TANGO6: variants seen among roughly 807,000 people sequenced by gnomAD.
TANGO6 encodes transport and Golgi organization protein 6 homolog.
In TANGO6, 90 loss-of-function variants were observed where a neutral mutation model predicts 114.2. That is an observed-to-expected ratio of 0.79 (90% confidence interval 0.66 to 0.94). The LOEUF is 0.94. TANGO6 is among the 40% of genes least tolerant of loss of function. The pLI is 0.00. For missense variants in TANGO6, 1,274 were observed against 1,315.3 expected, an observed-to-expected ratio of 0.97 and a Z score of 0.49; for synonymous variants, 477 against 509.8, an observed-to-expected ratio of 0.94 and a Z score of 0.87.
chr16:68,843,766 G>GCTTCCGGGGCTGCCCTGC (rs1961761218), intron 1 of TANGO6, 55 bp downstream of exon 1: 1 of 1,563,326 alleles, frequency 6.4e-7, no homozygotes. Flanking sequence ...GGGCCGCCCG[G>GCTTCCGGGGCTGCCCTGC]CTTCCGGGGC....
intron 15 of TANGO6, among the ~76,000 whole-genome samples, chr16:69,004,593 A>G (rs1294113721): frequency 6.6e-6 from 1 of 152,060 alleles, no homozygotes; most frequent in Non-Finnish European, 1.5e-5. Context: ...TGACCTTGTG[A>G]TCCGCCCGCC....
intron 12 of TANGO6, among the ~76,000 whole-genome samples, chr16:68,926,244 A>T (rs979883306): frequency 1.3e-5 from 2 of 152,138 alleles, no homozygotes; most frequent in Non-Finnish European, 2.9e-5. Flanking sequence ...CTGTAATTCC[A>T]GCACTTTGGA....
chr16:69,005,272 A>G (rs1964082187), intron 15 of TANGO6, among the ~76,000 whole-genome samples: 1 of 127,508 alleles, frequency 7.8e-6, no homozygotes, highest in Non-Finnish European at 1.7e-5. Context: ...ATGCAATTTG[A>G]CAGTAAGAGC....
chr16:69,080,871 G>A (rs1186479387), intron 17 of TANGO6, among the ~76,000 whole-genome samples: 1 of 152,180 alleles, frequency 6.6e-6, no homozygotes, highest in Non-Finnish European at 1.5e-5. Flanking sequence ...GGGCGCGGTG[G>A]CTCACGCCTA....
At chr16:69,067,370 C>T (rs1250280897) in intron 17 of TANGO6, among the ~76,000 whole-genome samples, 1 of 151,400 alleles carries the variant, frequency 6.6e-6, no homozygotes, top group South Asian at 2.1e-4. Context: ...ATTAGCCAGG[C>T]GTGTTGGCGG....
chr16:69,019,240 C>G (rs1454550133), intron 15 of TANGO6, among the ~76,000 whole-genome samples: 5 of 152,192 alleles, frequency 3.3e-5, no homozygotes, highest in Admixed American at 6.6e-5. Context: ...GTAACTACCT[C>G]TCTAGGATAG....
intron 14 of TANGO6, among the ~76,000 whole-genome samples, chr16:68,967,922 T>C (rs1963661704): frequency 6.6e-6 from 1 of 152,120 alleles, no homozygotes; most frequent in African/African-American, 2.4e-5. Flanking sequence ...TCAGAATCAC[T>C]GAGTAACACG....
intron 17 of TANGO6, among the ~76,000 whole-genome samples, chr16:69,081,849 A>G (rs1367012883): frequency 7.7e-6 from 1 of 130,268 alleles, no homozygotes; most frequent in African/African-American, 3.0e-5. Context: ...TTTTTTTTTG[A>G]GACAGAGTCT....
intron 11 of TANGO6, among the ~76,000 whole-genome samples, chr16:68,917,968 G>A (rs1021341135): frequency 6.7e-6 from 1 of 149,792 alleles, no homozygotes; most frequent in African/African-American, 2.5e-5. Flanking sequence ...TGCCCAGGCT[G>A]GAGTGTAGTG....
At chr16:68,950,155 G>A (rs1237848749) in intron 14 of TANGO6, among the ~76,000 whole-genome samples, 1 of 152,144 alleles carries the variant, frequency 6.6e-6, no homozygotes, top group Non-Finnish European at 1.5e-5. Flanking sequence ...GGAGTAAGGA[G>A]TGACTGATAA....
intron 12 of TANGO6, among the ~76,000 whole-genome samples, chr16:68,919,755 T>A (rs1963064203): frequency 6.6e-6 from 1 of 152,194 alleles, no homozygotes; most frequent in Non-Finnish European, 1.5e-5. Flanking sequence ...ACACTACATA[T>A]TGGCCGGGTG....
chr16:69,065,143 C>G (rs2152241396), intron 17 of TANGO6, among the ~76,000 whole-genome samples: 1 of 152,348 alleles, frequency 6.6e-6, no homozygotes. Context: ...TGCCGCCTTC[C>G]TCAGGTTGCT....
intron 7 of TANGO6, among the ~76,000 whole-genome samples, chr16:68,884,153 C>T (rs1383632353): frequency 2.6e-5 from 4 of 152,130 alleles, no homozygotes; most frequent in African/African-American, 9.7e-5. Context: ...CAAGCAATCC[C>T]CCTGCCTTGT....
chr16:68,914,373 G>A (rs1299365523), intron 11 of TANGO6, among the ~76,000 whole-genome samples: 1 of 152,162 alleles, frequency 6.6e-6, no homozygotes, highest in Non-Finnish European at 1.5e-5. Flanking sequence ...TGCTGGTCAG[G>A]CTGGTCTCAA....
intron 17 of TANGO6, among the ~76,000 whole-genome samples, chr16:69,044,832 C>T (rs941340699): frequency 1.3e-5 from 2 of 152,124 alleles, no homozygotes; most frequent in South Asian, 2.1e-4. Context: ...GCCAGGGCTA[C>T]GTAAGCAAGA....
At chr16:69,059,545 G>C (rs1225274434) in intron 17 of TANGO6, among the ~76,000 whole-genome samples, 1 of 151,260 alleles carries the variant, frequency 6.6e-6, no homozygotes, top group African/African-American at 2.4e-5. Context: ...TTTTGAGACG[G>C]AGTCTTGCTC....
At chr16:68,893,148 A>G (rs926702950) in intron 7 of TANGO6, among the ~76,000 whole-genome samples, 2 of 152,120 alleles carry the variant, frequency 1.3e-5, no homozygotes, top group South Asian at 4.1e-4. Context: ...ATTTTTTTCA[A>G]CTAGTCTCAC....
At chr16:68,978,484 A>G (rs1963787131) in intron 15 of TANGO6, among the ~76,000 whole-genome samples, 1 of 152,216 alleles carries the variant, frequency 6.6e-6, no homozygotes, top group South Asian at 2.1e-4. Flanking sequence ...CCTTAGCTTT[A>G]ACTGCTAGTT....
chr16:69,022,801 G>A (rs747440388), intron 15 of TANGO6, 27 bp from the exon 16 acceptor site: 97 of 1,554,568 alleles, frequency 6.2e-5, no homozygotes, highest in Non-Finnish European at 2.7e-5. Flanking sequence ...GTTTTAAGGG[G>A]TTTTGATTTC....
Sources: gnomAD v4.1 joint callset for allele counts (sites outside exome capture counted in the v4.1 genomes callset) on GRCh38, gnomAD v4.1.1 for gene constraint, MANE v1.5 for transcripts, NCBI Gene and HGNC (gene_info 2026-07-23, HGNC 2026-07-21) for gene names.